DQX1: variants seen among roughly 807,000 people sequenced by gnomAD.
The protein encoded by DQX1 is ATP-dependent RNA helicase homolog DQX1.
Under a neutral mutation model 81.3 loss-of-function variants are expected in DQX1, and 66 were observed. That is an observed-to-expected ratio of 0.81 (90% CI 0.67 to 1.00). DQX1 has a LOEUF of 1.00. Among genes scored for constraint, DQX1 ranks in the 50% least tolerant of loss-of-function variants. The pLI is 0.00. For missense variants in DQX1, 798 were observed against 867.9 expected, an observed-to-expected ratio of 0.92 and a Z score of 1.01; for synonymous variants, 290 against 350.0, an observed-to-expected ratio of 0.83 and a Z score of 1.91.
Position 74,518,240 on chromosome 2 carries a change from G to A in DQX1, c.*206C>T. The A allele has an allele frequency of 1.8e-6, 1 of 541,580 alleles. No homozygotes were observed. The allele number at this position is 541,580 out of a possible 1,614,324, so 33.5% of individuals were successfully genotyped here. On this transcript the variant is annotated 3_prime_UTR_variant, in exon 12 of 12. Coordinates refer to ENST00000404568, the MANE Select transcript of DQX1 (RefSeq NM_133637.3). ...GTCCCTCTCCAATCAATAAGAGAAGGCTAAGGAAAGAGTCCTTCCCTATGT... is the reference window on the plus strand; with the variant it reads ...GTCCCTCTCCAATCAATAAGAGAAGACTAAGGAAAGAGTCCTTCCCTATGT...
Position 74,525,497 on chromosome 2 carries a change from G to A in DQX1, c.233C>T (p.Thr78Ile). 1 of 1,552,086 alleles carries A rather than the reference G, an allele frequency of 6.4e-7. No individual in the cohort carries two copies. Among genetic ancestry groups the A allele is most frequent in the Non-Finnish European group, 8.7e-7 (1 of 1,147,170 alleles). ...VSGEPGSGKS[T>I]QIPQWCAEFA... ...CCCCCACAACCCCCACCACACCTGGGTGCTCTTGCCAGAACCAGGCTCCCC... is the reference window on the plus strand; with the variant it reads ...CCCCCACAACCCCCACCACACCTGGATGCTCTTGCCAGAACCAGGCTCCCC... Residue 78 changes from threonine (T) to isoleucine (I), a missense_variant, in exon 2 of 12, where the codon ACC becomes ATC. Thr to Ile is a moderately conservative substitution (Grantham distance 89, BLOSUM62 -1). Coordinates refer to ENST00000404568, the MANE Select transcript of DQX1 (RefSeq NM_133637.3). The surrounding 1 kb of genome is among the most constrained non-coding windows in gnomAD (Gnocchi z 4.1).
chr2:74,520,180 A>C, intron 8 of DQX1, 146 bp from the exon 9 acceptor site: 1 of 1,096,596 alleles, frequency 9.1e-7, no homozygotes, highest in South Asian at 1.6e-5. Flanking sequence ...TATGCACTTT[A>C]TTAAACATTG....
rs768926128 is a variant in DQX1, at chr2:74,523,577, C to A, written c.817-40G>T. The A allele has an allele frequency of 3.8e-6, 6 of 1,586,288 alleles. No homozygotes were observed. In the Admixed American group the frequency reaches 1.0e-4, roughly 27 times the overall value. On this transcript the variant is annotated intron_variant, in intron 4 of 11. Transcript: ENST00000404568. ...GGGTGGGGCATTAGGGCAGTTCTCA[C>A]GTTTTTTGGGGTCACAGATCCCTTT... is the stretch of plus-strand genomic sequence containing the variant.
At position 74,525,308 on chromosome 2, in the gene DQX1, C is replaced by T; in HGVS notation, c.238-106G>A. 3 of 1,350,240 alleles carry T rather than the reference C, an allele frequency of 2.2e-6. No homozygotes were observed. Among genetic ancestry groups the T allele is most frequent in the South Asian group, 3.0e-5 (2 of 66,208 alleles). The allele number at this position is 1,350,240 out of a possible 1,614,324, so 83.6% of individuals were successfully genotyped here. On this transcript the variant is annotated intron_variant, in intron 2 of 11. Transcript: ENST00000404568. The surrounding 1 kb of genome is among the most constrained non-coding windows in gnomAD (Gnocchi z 4.1). ...TTAATCTTTCCTTATTTGGGGAGTC[C>T]CCTGGTCTTTCACCAGCCTCCAGGG...
At chr2:74,524,569 A>G (rs1270613916) in intron 3 of DQX1, among the ~76,000 whole-genome samples, 2 of 152,142 alleles carry the variant, frequency 1.3e-5, no homozygotes, top group African/African-American at 2.4e-5. Flanking sequence ...GCTGGGATTC[A>G]AGGGCTTATT....
Position 74,519,719 on chromosome 2 carries a change from G to A in DQX1, c.1643C>T (p.Ala548Val). ...QSGADEAWCQ[A>V]RGLNWAALCQ... ...CAATGCTGCCCAATTCAGACCTCGA[G>A]CCTGGCACCAAGCCTCATCTGCTCC... Residue 548 changes from alanine (A) to valine (V), a missense_variant, in exon 10 of 12, where the codon GCT (alanine) becomes GTT (valine). Transcript: ENST00000404568. 6.2e-7 allele frequency: 1 copy of A among 1,614,158 alleles called. No individual in the cohort carries two copies. The highest frequency in any genetic ancestry group is 8.5e-7 in the Non-Finnish European group (1 of 1,180,030).
At chr2:74,522,807 T>A in intron 7 of DQX1, 36 bp from the exon 8 acceptor site, 1 of 1,612,998 alleles carries the variant, frequency 6.2e-7, no homozygotes, top group South Asian at 1.1e-5. Flanking sequence ...ATATGAAGTT[T>A]CAGAACTGGG....
chr2:74,518,240 GC>G lies in DQX1; in HGVS notation c.*205del, dbSNP rs1323765681. Reference sequence around the variant, plus strand: ...GTCCCTCTCCAATCAATAAGAGAAGGCTAAGGAAAGAGTCCTTCCCTATGTA... The same window carrying G: ...GTCCCTCTCCAATCAATAAGAGAAGGTAAGGAAAGAGTCCTTCCCTATGTA... On this transcript the variant is annotated 3_prime_UTR_variant, in exon 12 of 12. Transcript: ENST00000404568. 3 of 541,462 alleles carry G rather than the reference GC, an allele frequency of 5.5e-6. No individual in the cohort carries two copies. The highest frequency in any genetic ancestry group is 9.5e-6 in the Non-Finnish European group (3 of 315,628). 33.5% of individuals were successfully genotyped at this position (541,462 alleles called of 1,614,324 possible).
In DQX1 at chr2:74,522,911, T is replaced by A. The variant is rs200086801; in HGVS notation, c.1248A>T (p.Leu416=). The A allele has an allele frequency of 4.6e-5, 75 of 1,613,998 alleles. No homozygotes were observed. Among genetic ancestry groups the A allele is most frequent in the Non-Finnish European group, 6.0e-5 (71 of 1,180,022 alleles). ...GCTCTGCAATCTGTCTCCTTTTTAG[T>A]AGTAACACCAGGGAGCTCAGATTCT... ...CEENLSSLVL[L]LKRRQIAEPG... Residue 416 remains leucine (L), a synonymous_variant, in exon 7 of 12, where the codon CTA becomes CTT. Transcript: ENST00000404568.
chr2:74,520,860 C>G (rs1280674643), intron 8 of DQX1, among the ~76,000 whole-genome samples: 4 of 151,910 alleles, frequency 2.6e-5, no homozygotes, highest in Non-Finnish European at 4.4e-5. Context: ...TTTGTAGAGA[C>G]AGGGTCTCTC....
In DQX1 at chr2:74,519,228, C is replaced by T. The variant is rs1037001591; in HGVS notation, c.1809G>A (p.Val603=). ...TTCCAGTCCCGTCTGTGTCTCTGGC[C>T]ACCTTATTGAAAGGCAGAAATATTG... is the stretch of plus-strand genomic sequence containing the variant. The part of the protein sequence containing the change: ...KALVSGYFLK[V]ARDTDGTGNY... The change falls in exon 11 of 12, where the codon GTG becomes GTA. Residue 603 remains valine (V), a splice_region_variant and synonymous_variant. Coordinates refer to ENST00000404568, the MANE Select transcript of DQX1 (RefSeq NM_133637.3). The T allele has an allele frequency of 1.3e-6, 2 of 1,550,066 alleles. No individual in the cohort carries two copies. Among genetic ancestry groups the T allele is most frequent in the South Asian group, 1.2e-5 (1 of 82,366 alleles).
chr2:74,524,000 C>T lies in DQX1; in HGVS notation c.739G>A (p.Ala247Thr). 6.2e-7 allele frequency: 1 copy of T among 1,614,158 alleles called. No individual in the cohort carries two copies. Among genetic ancestry groups the T allele is most frequent in the Non-Finnish European group, 8.5e-7 (1 of 1,179,990 alleles). ...AATTCAAGCACTGCTTGGCAGGCAG[C>T]TTCCACCCGATCAGGTGGGATGGTG... ...WDTIPPDRVE[A>T]ACQAVLELCR... Residue 247 changes from alanine to threonine, a missense_variant, in exon 4 of 12, where the codon GCT becomes ACT. Physicochemically the swap from Ala to Thr is moderately conservative, Grantham distance 58. Coordinates refer to ENST00000404568, the MANE Select transcript of DQX1 (RefSeq NM_133637.3).
chr2:74,519,116 G>A lies in DQX1; in HGVS notation c.1921C>T (p.Pro641Ser), dbSNP rs141992353. Residue 641 changes from proline (P) to serine (S), a missense_variant, in exon 11 of 12, where the codon CCA (proline) becomes TCA (serine). Transcript: ENST00000404568. ...RSRRAPARPP[P>S]WVLYHNFTIS... ...GTGAAATTGTGGTAGAGCACCCATG[G>A]TGGGGGTCTGGCAGGAGCTCTGCGG... 1.2e-6 allele frequency: 2 copies of A among 1,612,286 alleles called. No homozygotes were observed. Among genetic ancestry groups the A allele is most frequent in the South Asian group, 2.2e-5 (2 of 90,824 alleles).
In DQX1 at chr2:74,526,118, G is replaced by A. The variant is rs1675175454; in HGVS notation, c.-20+18C>T. 4.8e-6 allele frequency: 1 copy of A among 208,818 alleles called. No individual in the cohort carries two copies. Among genetic ancestry groups the A allele is most frequent in the African/African-American group, 2.3e-5 (1 of 42,760 alleles). The allele number at this position is 208,818 out of a possible 1,614,324, so 12.9% of individuals were successfully genotyped here. ...TGGGGAGAGGAACAGCAGAGTCACA[G>A]GGATCCTGGATTCAAACCTGCTTGC... On this transcript the variant is annotated intron_variant, in intron 1 of 11. Transcript: ENST00000404568.
intron 8 of DQX1, among the ~76,000 whole-genome samples, chr2:74,520,658 TG>T (rs1305911282): frequency 6.6e-6 from 1 of 151,734 alleles, no homozygotes; most frequent in South Asian, 2.1e-4. Flanking sequence ...GGAAGAGTTG[TG>T]GGGTTTTTTT....
rs1267299849 is a variant in DQX1 at position 74,522,843 on chromosome 2, G to A, written c.1303+13C>T. 3 of 1,612,784 alleles carry A rather than the reference G, an allele frequency of 1.9e-6. No individual in the cohort carries two copies. Among genetic ancestry groups the A allele is most frequent in the African/African-American group, 1.3e-5 (1 of 74,904 alleles). ...TGGTCAGATGGCAGTGCTTGGGCAGGAGAGGTGCTCACCAGGCTGGTCCAG... is the reference window on the plus strand; with the variant it reads ...TGGTCAGATGGCAGTGCTTGGGCAGAAGAGGTGCTCACCAGGCTGGTCCAG... On this transcript the variant is annotated intron_variant, in intron 7 of 11. Transcript: ENST00000404568.
chr2:74,525,062 C>T lies in DQX1; in HGVS notation c.378G>A (p.Glu126=), dbSNP rs970507054. The change falls in exon 3 of 12, where the codon GAG becomes GAA. Residue 126 remains glutamate (E), a synonymous_variant. Transcript: ENST00000404568. This position sits in a 1 kb window ranked among gnomAD's most constrained non-coding sequence, Gnocchi z 4.1. The part of the protein sequence containing the change: ...ADEMDLTLGH[E]VGYSIPQEDC... ...CCTCCTGGGGGATGCTGTATCCAACCTCATGACCCAGGGTCAGGTCCATCT... is the reference window on the plus strand; with the variant it reads ...CCTCCTGGGGGATGCTGTATCCAACTTCATGACCCAGGGTCAGGTCCATCT... The T allele has an allele frequency of 3.1e-6, 5 of 1,614,138 alleles. No individual in the cohort carries two copies. The highest frequency in any genetic ancestry group is 4.2e-6 in the Non-Finnish European group (5 of 1,180,010).
At position 74,521,236 on chromosome 2, in the gene DQX1, A is replaced by G. The variant is rs182321499; in HGVS notation, c.1496-1202T>C. Among the ~76,000 whole-genome samples the G allele has an allele frequency of 4.4e-3, 663 of 152,364 alleles. 4 individuals carry two copies. The highest frequency in any genetic ancestry group is 0.011 in the South Asian group (55 of 4,832). On this transcript the variant is annotated intron_variant, in intron 8 of 11. Transcript: ENST00000404568. ...GCAGAGCAGCAGAGATAATAGTATT[A>G]TCTGAATCTAAGACTCTAGAGAGAG...
chr2:74,520,149 A>C lies in DQX1; in HGVS notation c.1496-115T>G. 4 of 1,344,860 alleles carry C rather than the reference A, an allele frequency of 3.0e-6. No homozygotes were observed. In the South Asian group the frequency reaches 5.6e-5, roughly 19 times the overall value. 83.3% of individuals were successfully genotyped at this position (1,344,860 alleles called of 1,614,324 possible). On this transcript the variant is annotated intron_variant, in intron 8 of 11. Transcript: ENST00000404568. Reference sequence around the variant, plus strand: ...TCCCTTTGGGAACTTTATTCAAAAGACATAGATAACTTCTAGGTGCTATGC... The same window carrying C: ...TCCCTTTGGGAACTTTATTCAAAAGCCATAGATAACTTCTAGGTGCTATGC...
Sources: allele counts gnomAD v4.1 joint callset (sites outside exome capture counted in the v4.1 genomes callset), GRCh38; gene constraint gnomAD v4.1.1; non-coding constraint Gnocchi (gnomAD v3.1); transcripts MANE v1.5; gene names NCBI Gene and HGNC (gene_info 2026-07-23, HGNC 2026-07-21).